Variants in PDE1A observed in about 807,000 individuals in gnomAD.
PDE1A encodes the protein phosphodiesterase 1A, also known as dual specificity calcium/calmodulin-dependent 3',5'-cyclic nucleotide phosphodiesterase 1A.
Under a neutral mutation model 61.7 loss-of-function variants are expected in PDE1A, and 35 were observed. The ratio of observed to expected loss-of-function variants is 0.57; its 90% CI spans 0.43 to 0.75. The LOEUF is 0.75. Ranked by LOEUF, PDE1A falls within the 30% of genes least tolerant of loss-of-function variation. The pLI, the probability that PDE1A is intolerant of heterozygous loss-of-function variation, is 0.00. For synonymous variants in PDE1A, 232 were observed against 213.2 expected (o/e 1.09, Z -0.77); for missense variants, 597 against 630.6 (o/e 0.95, Z 0.57).
the PDE1A span, among the ~76,000 whole-genome samples, chr2:182,595,791 T>C: frequency 6.6e-6 from 1 of 152,206 alleles, no homozygotes; most frequent in Non-Finnish European, 1.5e-5. Context: ...TCTGCTTTCA[T>C]CTGAAGGAGG....
At chr2:182,209,486 A>C (rs1176732102) in intron 7 of PDE1A, among the ~76,000 whole-genome samples, 1 of 151,406 alleles carries the variant, frequency 6.6e-6, no homozygotes, top group African/African-American at 2.4e-5. Flanking sequence ...ATTCAACATG[A>C]GATTTGGGTG....
intron 13 of PDE1A, among the ~76,000 whole-genome samples, chr2:182,151,900 T>A (rs545822490): frequency 9.2e-5 from 14 of 152,194 alleles, no homozygotes; most frequent in Non-Finnish European, 1.9e-4. Context: ...ATTTTAGAGA[T>A]GAGAAAGACA....
chr2:182,711,250 T>C, the PDE1A span, among the ~76,000 whole-genome samples: 1 of 152,056 alleles, frequency 6.6e-6, no homozygotes, highest in East Asian at 1.9e-4. Context: ...AGCGGGGCAA[T>C]CACACAGGGG....
the PDE1A span, among the ~76,000 whole-genome samples, chr2:182,532,469 G>GA: frequency 6.6e-6 from 1 of 152,162 alleles, no homozygotes; most frequent in African/African-American, 2.4e-5. Context: ...ATGAAATGCA[G>GA]AAAAGGCAAA....
chr2:182,225,243 G>A (rs1689051813), intron 6 of PDE1A, among the ~76,000 whole-genome samples: 2 of 151,932 alleles, frequency 1.3e-5, no homozygotes. Flanking sequence ...TAGTACAATC[G>A]TGTTGGAGAA....
intron 1 of PDE1A, among the ~76,000 whole-genome samples, chr2:182,340,496 G>A (rs1331241569): frequency 1.3e-5 from 2 of 152,114 alleles, no homozygotes; most frequent in African/African-American, 4.8e-5. Flanking sequence ...AATACCTCTT[G>A]TAAAACTGCA....
At chr2:182,530,816 T>G in the PDE1A span, among the ~76,000 whole-genome samples, 2 of 152,066 alleles carry the variant, frequency 1.3e-5, no homozygotes, top group African/African-American at 4.8e-5. Context: ...AAAATGAAAC[T>G]TGAAACATCA....
chr2:182,183,298 C>A (rs1413002316), intron 13 of PDE1A, among the ~76,000 whole-genome samples: 1 of 152,120 alleles, frequency 6.6e-6, no homozygotes, highest in Non-Finnish European at 1.5e-5. Context: ...TGGAAATCAA[C>A]CAAAGGGACA....
At chr2:182,390,939 C>G (rs940770555) in intron 1 of PDE1A, among the ~76,000 whole-genome samples, 1 of 152,174 alleles carries the variant, frequency 6.6e-6, no homozygotes, top group Admixed American at 6.5e-5. Context: ...CCAGACAATG[C>G]TGATTCTCCT....
At chr2:182,586,630 AC>A in the PDE1A span, among the ~76,000 whole-genome samples, 1 of 152,198 alleles carries the variant, frequency 6.6e-6, no homozygotes, top group Non-Finnish European at 1.5e-5. Flanking sequence ...TAGGATGTTT[AC>A]ATCCTACAGT....
intron 2 of PDE1A, among the ~76,000 whole-genome samples, chr2:182,503,142 A>G (rs899119624): frequency 6.6e-5 from 10 of 151,382 alleles, no homozygotes; most frequent in African/African-American, 2.4e-4. Context: ...TCATCAGTGC[A>G]TTCTGTCAGC....
chr2:182,144,990 GT>G (rs1690419294), downstream of PDE1A, among the ~76,000 whole-genome samples: 4 of 152,162 alleles, frequency 2.6e-5, no homozygotes, highest in African/African-American at 9.7e-5. Flanking sequence ...ATCACTGCCT[GT>G]TGTCTCCCAG....
chr2:182,238,124 C>T (rs1042639647), intron 3 of PDE1A, among the ~76,000 whole-genome samples: 5 of 151,748 alleles, frequency 3.3e-5, no homozygotes, highest in Admixed American at 2.0e-4. Context: ...AAAAAATTAG[C>T]CAGGCAGGGT....
chr2:182,296,083 A>G (rs1395762914), intron 1 of PDE1A, among the ~76,000 whole-genome samples: 1 of 152,240 alleles, frequency 6.6e-6, no homozygotes, highest in Non-Finnish European at 1.5e-5. Context: ...ACCAGTCAGT[A>G]TACAGAAACT....
the PDE1A span, among the ~76,000 whole-genome samples, chr2:182,645,264 G>A: frequency 2.0e-5 from 2 of 98,470 alleles, no homozygotes; most frequent in Non-Finnish European, 4.5e-5. Flanking sequence ...GGGATTACAG[G>A]CGTGAGCCAC....
intron 8 of PDE1A, among the ~76,000 whole-genome samples, chr2:182,203,159 C>CA (rs1056962817): frequency 2.3e-4 from 34 of 145,954 alleles, no homozygotes; most frequent in South Asian, 2.2e-3. Flanking sequence ...ACTAAAAATA[C>CA]AAAAAAAAAA....
At chr2:182,541,065 A>T in the PDE1A span, among the ~76,000 whole-genome samples, 2 of 152,220 alleles carry the variant, frequency 1.3e-5, no homozygotes. Flanking sequence ...ATTGGCTACA[A>T]AATCAGAAAT....
At chr2:182,241,912 C>A in intron 2 of PDE1A, 1 of 1,530,624 alleles carries the variant, frequency 6.5e-7, no homozygotes, top group South Asian at 1.2e-5. Context: ...TCTTTTTGCC[C>A]ATTTGAAATT....
intron 1 of PDE1A, among the ~76,000 whole-genome samples, chr2:182,290,071 A>G (rs960598234): frequency 6.6e-6 from 1 of 152,128 alleles, no homozygotes; most frequent in Non-Finnish European, 1.5e-5. Flanking sequence ...AAAAGTAAAT[A>G]ACTGTCAATT....
Sources: allele counts gnomAD v4.1 joint callset (sites outside exome capture counted in the v4.1 genomes callset), GRCh38; gene constraint gnomAD v4.1.1; transcripts MANE v1.5; gene names NCBI Gene and HGNC (gene_info 2026-07-23, HGNC 2026-07-21).